FNBP1L: variants seen among roughly 807,000 people sequenced by gnomAD.
FNBP1L encodes formin binding protein 1 like.
Under a neutral mutation model 91.2 loss-of-function variants are expected in FNBP1L, and 36 were observed. The observed-to-expected ratio is 0.39, with a 90% CI of 0.30 to 0.52. The LOEUF is 0.52. FNBP1L is among the 20% of genes least tolerant of loss of function. The pLI, the probability that FNBP1L is intolerant of heterozygous loss-of-function variation, is 0.66. For missense variants in FNBP1L, 571 were observed against 732.1 expected, an observed-to-expected ratio of 0.78 and a Z score of 2.54; for synonymous variants, 242 against 237.0, an observed-to-expected ratio of 1.02 and a Z score of -0.19.
chr1:93,503,981 T>C (rs747804110), intron 2 of FNBP1L, among the ~76,000 whole-genome samples: 4 of 152,130 alleles, frequency 2.6e-5, no homozygotes, highest in South Asian at 2.1e-4. Flanking sequence ...CAGTATGGTA[T>C]AGTGGAAGAG....
chr1:93,490,318 G>T (rs1162776565), intron 1 of FNBP1L, among the ~76,000 whole-genome samples: 1 of 152,072 alleles, frequency 6.6e-6, no homozygotes, highest in Non-Finnish European at 1.5e-5. Context: ...ATTTATGTTG[G>T]TGCTGATGCC....
Position 93,547,092 on chromosome 1 carries a change from C to A in FNBP1L, c.1407+118C>A, listed in dbSNP as rs1485716467. ...TATATTTAATGTTAGGGTTTATGAT[C>A]TAAAAGTATTATTGTGATGTGTGTT... On this transcript the variant is annotated intron_variant, in intron 13 of 16. Coordinates refer to ENST00000271234, the MANE Select transcript of FNBP1L (RefSeq NM_001164473.3). The A allele has an allele frequency of 4.9e-6, 6 of 1,221,826 alleles. No homozygotes were observed. In the Admixed American group the frequency reaches 8.2e-5, roughly 17 times the overall value. The allele number at this position is 1,221,826 out of a possible 1,614,324, so 75.7% of individuals were successfully genotyped here. A position where few individuals can be genotyped will look rare whatever the true frequency, so the allele number is the denominator to read the frequency against.
intron 1 of FNBP1L, among the ~76,000 whole-genome samples, chr1:93,464,316 A>G (rs545267747): frequency 1.3e-5 from 2 of 152,330 alleles, no homozygotes; most frequent in Non-Finnish European, 2.9e-5. Context: ...AAAGATATGT[A>G]CAATTTTCTC....
chr1:93,506,898 G>A (rs1348735782), intron 2 of FNBP1L, among the ~76,000 whole-genome samples: 1 of 151,978 alleles, frequency 6.6e-6, no homozygotes, highest in Admixed American at 6.6e-5. Flanking sequence ...TAAAAAGGGT[G>A]ATATATTTAA....
At chr1:93,515,996 T>G (rs1201704673) in intron 2 of FNBP1L, among the ~76,000 whole-genome samples, 2 of 152,168 alleles carry the variant, frequency 1.3e-5, no homozygotes, top group Middle Eastern at 6.3e-3. Context: ...TGATAAAGAT[T>G]TATTCTCAAT....
intron 1 of FNBP1L, among the ~76,000 whole-genome samples, chr1:93,486,058 C>T (rs1669884104): frequency 6.6e-6 from 1 of 152,130 alleles, no homozygotes; most frequent in Non-Finnish European, 1.5e-5. Context: ...TCCAGTTTTA[C>T]AGATGTGGAA....
intron 1 of FNBP1L, among the ~76,000 whole-genome samples, chr1:93,454,524 G>C (rs1188675498): frequency 6.6e-6 from 1 of 152,066 alleles, no homozygotes; most frequent in Non-Finnish European, 1.5e-5. Context: ...TTATTTTAGC[G>C]CCGCTGCAAG....
At chr1:93,543,989 T>TATCATTAAAA in intron 11 of FNBP1L, 118 bp from the exon 12 acceptor site, 2 of 590,238 alleles carry the variant, frequency 3.4e-6, no homozygotes, top group Non-Finnish European at 2.6e-6. Context: ...AGGGGTTGCT[T>TATCATTAAAA]GAGGCAAATT....
At chr1:93,523,861 AT>A (rs1197067026) in intron 4 of FNBP1L, among the ~76,000 whole-genome samples, 1 of 152,194 alleles carries the variant, frequency 6.6e-6, no homozygotes, top group Non-Finnish European at 1.5e-5. Flanking sequence ...ACCCACATTC[AT>A]TGACTTTTAT....
At chr1:93,545,151 C>T (rs771940235) in intron 12 of FNBP1L, among the ~76,000 whole-genome samples, 3 of 152,100 alleles carry the variant, frequency 2.0e-5, no homozygotes, top group Non-Finnish European at 4.4e-5. Context: ...AGAATTTTCT[C>T]TGTAAGGTAC....
intron 10 of FNBP1L, among the ~76,000 whole-genome samples, chr1:93,537,486 G>T (rs1451885285): frequency 6.6e-6 from 1 of 151,814 alleles, no homozygotes; most frequent in Non-Finnish European, 1.5e-5. Context: ...TATTAGTTTA[G>T]GGACAAGATT....
chr1:93,461,675 C>T (rs1028359101), intron 1 of FNBP1L, among the ~76,000 whole-genome samples: 1 of 152,046 alleles, frequency 6.6e-6, no homozygotes, highest in Non-Finnish European at 1.5e-5. Flanking sequence ...GTGCATTGTA[C>T]CTGAACAAAA....
intron 2 of FNBP1L, among the ~76,000 whole-genome samples, chr1:93,503,621 A>C (rs1670509148): frequency 6.6e-6 from 1 of 152,174 alleles, no homozygotes; most frequent in African/African-American, 2.4e-5. Context: ...GATGGGAATA[A>C]ATAGAAAATA....
chr1:93,525,997 C>T (rs1183574575), intron 5 of FNBP1L, among the ~76,000 whole-genome samples: 1 of 151,920 alleles, frequency 6.6e-6, no homozygotes, highest in African/African-American at 2.4e-5. Context: ...ATTCCTAACA[C>T]GTTTGAAATA....
At position 93,485,195 on chromosome 1, in the gene FNBP1L, C is replaced by A. The variant is rs138898201; in HGVS notation, c.25-14273C>A. 1.9e-3 allele frequency among the ~76,000 whole-genome samples: 288 copies of A among 150,080 alleles called. 2 individuals carry two copies. The highest frequency in any genetic ancestry group is 6.8e-3 in the African/African-American group (278 of 40,962). ...GAAAGAAAGGTAGTAGGATCTCCCA[C>A]ATTACAAAGAACTGTGAAATAAGAT... is the stretch of plus-strand genomic sequence containing the variant. On this transcript the variant is annotated intron_variant, in intron 1 of 16. Transcript: ENST00000271234.
At position 93,536,536 on chromosome 1, in the gene FNBP1L, G is replaced by A. The variant is rs758824239; in HGVS notation, c.1149+46G>A. 3.4e-6 allele frequency: 5 copies of A among 1,484,066 alleles called. No individual in the cohort carries two copies. The South Asian group carries it at 4.1e-5, about 12-fold the overall frequency. The allele number at this position is 1,484,066 out of a possible 1,614,324, so 91.9% of individuals were successfully genotyped here. Reference sequence around the variant, plus strand: ...AAATGCATGATGGCCTATTGTGTGTGTAGTGTGGCTTTTAATACTCTCCAC... The same window carrying A: ...AAATGCATGATGGCCTATTGTGTGTATAGTGTGGCTTTTAATACTCTCCAC... On this transcript the variant is annotated intron_variant, in intron 10 of 16. Transcript: ENST00000271234.
At chr1:93,518,080 T>C (rs1287324361) in intron 2 of FNBP1L, among the ~76,000 whole-genome samples, 1 of 152,222 alleles carries the variant, frequency 6.6e-6, no homozygotes, top group African/African-American at 2.4e-5. Flanking sequence ...GTTTCTGTTA[T>C]TGTCTTTACA....
At chr1:93,448,414 C>T in intron 1 of FNBP1L, 109 bp downstream of exon 1, 4 of 1,225,220 alleles carry the variant, frequency 3.3e-6, no homozygotes, top group Non-Finnish European at 4.4e-6. Context: ...CGTCCTCGGT[C>T]CGGCGCTGGC....
At chr1:93,472,363 C>T (rs545397900) in intron 1 of FNBP1L, among the ~76,000 whole-genome samples, 1 of 152,184 alleles carries the variant, frequency 6.6e-6, no homozygotes, top group African/African-American at 2.4e-5. Flanking sequence ...GATTAAGTAT[C>T]TTGTCTAAAA....
Sources: gnomAD v4.1 joint callset for allele counts (sites outside exome capture counted in the v4.1 genomes callset) on GRCh38, gnomAD v4.1.1 for gene constraint, MANE v1.5 for transcripts, NCBI Gene and HGNC (gene_info 2026-07-23, HGNC 2026-07-21) for gene names.